STAG1: variants seen among roughly 807,000 people sequenced by gnomAD.
The protein encoded by STAG1 is cohesin subunit SA-1.
A neutral mutation model predicts 170.9 loss-of-function variants in STAG1; 26 were observed. The ratio of observed to expected loss-of-function variants is 0.15; its 90% confidence interval spans 0.11 to 0.21. STAG1 has a LOEUF of 0.21. STAG1 is among the 10% of genes least tolerant of loss of function. The pLI, the probability that STAG1 is intolerant of heterozygous loss-of-function variation, is 1.00. For missense variants in STAG1, 964 were observed against 1,509.5 expected, an observed-to-expected ratio of 0.64 and a Z score of 5.99; for synonymous variants, 514 against 497.7, an observed-to-expected ratio of 1.03 and a Z score of -0.44.
Position 136,449,586 on chromosome 3 carries a change from G to A in STAG1, c.1428+2447C>T, listed in dbSNP as rs529239497. On this transcript the variant is annotated intron_variant, in intron 14 of 33. Transcript: ENST00000383202. Reference sequence around the variant, plus strand: ...AAAAAAAAAAAAGAAGGAAAAAAAAGGAATGTAATACAGCTGGCAAATACA... The same window carrying A: ...AAAAAAAAAAAAGAAGGAAAAAAAAAGAATGTAATACAGCTGGCAAATACA... Among the ~76,000 whole-genome samples the A allele has an allele frequency of 1.5e-3, 228 of 151,078 alleles. 1 individual carries two copies. Among genetic ancestry groups the A allele is most frequent in the African/African-American group, 5.1e-3 (212 of 41,302 alleles).
intron 3 of STAG1, among the ~76,000 whole-genome samples, chr3:136,615,424 CAAAA>C (rs35713077): frequency 3.0e-5 from 1 of 33,252 alleles, no homozygotes; most frequent in Admixed American, 5.1e-4. Flanking sequence ...AGACTTTGTC[CAAAA>C]AAAAAAAAAA....
intron 13 of STAG1, among the ~76,000 whole-genome samples, chr3:136,460,873 A>G (rs2089254645): frequency 6.6e-6 from 1 of 152,192 alleles, no homozygotes; most frequent in South Asian, 2.1e-4. Context: ...AAATAACAAC[A>G]ACAAAACAAC....
intron 1 of STAG1, chr3:136,736,764 T>C: frequency 6.2e-7 from 1 of 1,600,284 alleles, no homozygotes; most frequent in Admixed American, 1.7e-5. Flanking sequence ...ATTGTCTGTT[T>C]ATATACAGCT....
chr3:136,519,709 C>T (rs563625117), intron 7 of STAG1, among the ~76,000 whole-genome samples: 64 of 151,912 alleles, frequency 4.2e-4, no homozygotes, highest in South Asian at 8.3e-4. Context: ...AAAAAAAAGT[C>T]TAACATTATA....
At chr3:136,433,273 T>C (rs988717345) in intron 16 of STAG1, among the ~76,000 whole-genome samples, 2 of 151,964 alleles carry the variant, frequency 1.3e-5, no homozygotes, top group African/African-American at 4.8e-5. Context: ...CCAGAGCCTT[T>C]ATGTACTTTT....
chr3:136,743,514 C>A (rs1198117275), intron 1 of STAG1, among the ~76,000 whole-genome samples: 1 of 151,526 alleles, frequency 6.6e-6, no homozygotes, highest in South Asian at 2.1e-4. Context: ...TAAACTGATA[C>A]AAGATGAAAC....
At chr3:136,352,171 TA>T (rs755711233) in intron 28 of STAG1, among the ~76,000 whole-genome samples, 15 of 152,214 alleles carry the variant, frequency 9.9e-5, no homozygotes, top group Non-Finnish European at 1.8e-4. Context: ...TTTATTTATT[TA>T]TTTTTTTGAG....
Position 136,536,677 on chromosome 3 carries a change from G to A in STAG1, c.471+5442C>T, listed in dbSNP as rs60633957. ...GATCACACCACTGCACTCCAGCCTG[G>A]GGGTGACAGAGCAAGACTCAGTCTC... is the stretch of plus-strand genomic sequence containing the variant. On this transcript the variant is annotated intron_variant, in intron 6 of 33. Transcript: ENST00000383202. 5.7e-3 allele frequency among the ~76,000 whole-genome samples: 844 copies of A among 148,884 alleles called. 4 individuals are homozygous for A. Among genetic ancestry groups the A allele is most frequent in the African/African-American group, 0.021 (825 of 40,200 alleles).
chr3:136,519,144 T>A (rs1934531949), intron 7 of STAG1, among the ~76,000 whole-genome samples: 1 of 152,098 alleles, frequency 6.6e-6, no homozygotes, highest in East Asian at 1.9e-4. Context: ...TGAGTTAAAG[T>A]GCATTGTTCA....
intron 1 of STAG1, among the ~76,000 whole-genome samples, chr3:136,750,205 T>TG (rs1935159548): frequency 6.6e-6 from 1 of 152,210 alleles, no homozygotes; most frequent in Non-Finnish European, 1.5e-5. Context: ...TTTAAAGAGA[T>TG]GGAGTCTTGT....
intron 7 of STAG1, among the ~76,000 whole-genome samples, chr3:136,504,991 G>A (rs1933682481): frequency 6.6e-6 from 1 of 152,110 alleles, no homozygotes; most frequent in Non-Finnish European, 1.5e-5. Flanking sequence ...AGTGTTTACT[G>A]AGATAAAATA....
intron 1 of STAG1, among the ~76,000 whole-genome samples, chr3:136,747,984 C>T (rs1935032726): frequency 6.6e-6 from 1 of 151,662 alleles, no homozygotes; most frequent in Non-Finnish European, 1.5e-5. Flanking sequence ...CACCGTGTTG[C>T]CAGGATGGTC....
chr3:136,604,546 G>C (rs1464834773), intron 3 of STAG1, 73 bp from the exon 4 acceptor site: 2 of 1,280,106 alleles, frequency 1.6e-6, no homozygotes, highest in African/African-American at 3.0e-5. Context: ...CACTACTATA[G>C]AAGAAATATA....
At chr3:136,419,119 G>GTA (rs758896762) in intron 20 of STAG1, among the ~76,000 whole-genome samples, 4 of 152,146 alleles carry the variant, frequency 2.6e-5, no homozygotes, top group Non-Finnish European at 5.9e-5. Flanking sequence ...ACTTATGAAT[G>GTA]TGATAATGGT....
chr3:136,620,957 C>G (rs1462069512), intron 3 of STAG1, among the ~76,000 whole-genome samples: 1 of 152,108 alleles, frequency 6.6e-6, no homozygotes, highest in Non-Finnish European at 1.5e-5. Flanking sequence ...GAAACCCCAT[C>G]TCTACTAAAA....
chr3:136,500,354 G>T (rs1320921512), intron 8 of STAG1, 58 bp from the exon 9 acceptor site: 3 of 1,187,326 alleles, frequency 2.5e-6, no homozygotes, highest in Non-Finnish European at 3.6e-6. Context: ...GGAAGGAACA[G>T]CTCCAATTGT....
At chr3:136,699,541 C>T (rs867878156) in intron 1 of STAG1, among the ~76,000 whole-genome samples, 3 of 151,812 alleles carry the variant, frequency 2.0e-5, no homozygotes, top group African/African-American at 7.3e-5. Flanking sequence ...AGCGCCACCA[C>T]GTCTAATTTA....
At chr3:136,742,908 A>G (rs995204445) in intron 1 of STAG1, among the ~76,000 whole-genome samples, 6 of 152,190 alleles carry the variant, frequency 3.9e-5, no homozygotes, top group African/African-American at 1.4e-4. Context: ...AAAAGTGCCT[A>G]AAATCTATAA....
intron 6 of STAG1, among the ~76,000 whole-genome samples, chr3:136,531,900 T>A (rs1371426800): frequency 7.8e-6 from 1 of 128,826 alleles, no homozygotes. Context: ...CCCTAAAACT[T>A]AAAGTATAAA....
Sources: allele counts gnomAD v4.1 joint callset (sites outside exome capture counted in the v4.1 genomes callset), GRCh38; gene constraint gnomAD v4.1.1; transcripts MANE v1.5; gene names NCBI Gene and HGNC (gene_info 2026-07-23, HGNC 2026-07-21).